The following CHTF18 variants were observed in gnomAD, a reference collection of about 807,000 sequenced individuals.
The protein encoded by CHTF18 is chromosome transmission fidelity factor 18, also known as chromosome transmission fidelity protein 18 homolog.
A neutral mutation model predicts 113.4 loss-of-function variants in CHTF18; 151 were observed. The observed-to-expected ratio is 1.33, with a 90% CI of 1.17 to 1.52. The LOEUF is 1.52. Ranked by LOEUF, CHTF18 falls within the 40% of genes most tolerant of loss-of-function variation. CHTF18 has a pLI of 0.00. For missense variants in CHTF18, 1,982 were observed against 1,381.6 expected (o/e 1.43, Z -6.89); for synonymous variants, 916 against 598.8 (o/e 1.53, Z -7.74).
chr16:791,466 G>C, intron 8 of CHTF18, 96 bp downstream of exon 8: 1 of 1,467,792 alleles, frequency 6.8e-7, no homozygotes, highest in Admixed American at 2.3e-5. Context: ...AGGAGCCGTG[G>C]GTGTGGTGAC....
intron 15 of CHTF18, 70 bp from the exon 16 acceptor site, chr16:795,062 G>T (rs902474185): frequency 4.0e-6 from 5 of 1,246,980 alleles, no homozygotes; most frequent in South Asian, 1.4e-5. Context: ...TGTGGCGGGA[G>T]GTGGAGGGTC....
Position 795,163 on chromosome 16 carries a change from T to C in CHTF18, c.1982T>C (p.Leu661Pro). The change falls in exon 16 of 22, where the codon CTG becomes CCG. Residue 661 changes from leucine (L) to proline (P), a missense_variant. Transcript: ENST00000262315. ...TTTGACAACTTCCTGCGTCTGCGGC[T>C]GCGAGACTCCAGCCTGGGTGCTGTG... The part of the protein sequence containing the change: ...GLFDNFLRLR[L>P]RDSSLGAVCV... 6.4e-7 allele frequency: 1 copy of C among 1,555,258 alleles called. No homozygotes were observed. The highest frequency in any genetic ancestry group is 8.7e-7 in the Non-Finnish European group (1 of 1,149,830).
Position 796,065 on chromosome 16 carries a change from A to T in CHTF18, c.2444A>T (p.Tyr815Phe), listed in dbSNP as rs376694561. The T allele has an allele frequency of 3.7e-6, 6 of 1,603,162 alleles. No individual in the cohort carries two copies. Among genetic ancestry groups the T allele is most frequent in the Non-Finnish European group, 5.1e-6 (6 of 1,175,904 alleles). ...CGCACGCCCGATGGCCAGTACATCT[A>T]CAGGCTGGAGCCGTGAGTCCCCCAG... ...QERTPDGQYI[Y>F]RLEPNVEELC... Residue 815 changes from tyrosine to phenylalanine, a missense_variant, in exon 18 of 22, where the codon TAC (tyrosine) becomes TTC (phenylalanine). Physicochemically the swap from Tyr to Phe is conservative, Grantham distance 22. Transcript: ENST00000262315.
At position 789,716 on chromosome 16, in the gene CHTF18, G is replaced by T. The variant is rs781630813; in HGVS notation, c.606+1G>T. The T allele has an allele frequency of 1.9e-6, 3 of 1,579,514 alleles. No individual in the cohort carries two copies. In the South Asian group the frequency reaches 3.4e-5, roughly 18 times the overall value. On this transcript the variant is annotated splice_donor_variant, in intron 4 of 21. Transcript: ENST00000262315. LOFTEE classifies it high-confidence loss of function. Reference sequence around the variant, plus strand: ...TGACCCCATGGCCCCGGGGGTGCAGGTGCGTGGCTGTGGCCTTCCTGCACG... The same window carrying T: ...TGACCCCATGGCCCCGGGGGTGCAGTTGCGTGGCTGTGGCCTTCCTGCACG...
chr16:791,246 C>A lies in CHTF18; in HGVS notation c.980C>A (p.Pro327His). Residue 327 changes from proline (P) to histidine (H), a missense_variant, in exon 8 of 22, where the codon CCC becomes CAC. Physicochemically the swap from Pro to His is moderately conservative, Grantham distance 77. Coordinates refer to ENST00000262315, the MANE Select transcript of CHTF18 (RefSeq NM_022092.3). ...GAGAGGCCTTCCCGGAAGCCCAGGC[C>A]CAGTGTTGAGCCGGCCCGGGTCAGC... ...GHERPSRKPR[P>H]SVEPARVSKE... The A allele has an allele frequency of 6.2e-7, 1 of 1,610,936 alleles. No homozygotes were observed. The highest frequency in any genetic ancestry group is 1.1e-5 in the South Asian group (1 of 90,714).
chr16:789,847 C>G, intron 4 of CHTF18, 132 bp downstream of exon 4: 1 of 1,329,046 alleles, frequency 7.5e-7, no homozygotes, highest in Non-Finnish European at 1.0e-6. Flanking sequence ...GAGGGGGAGG[C>G]TGCGTCATGG....
chr16:790,909 C>T (rs2042179344), intron 7 of CHTF18: 11 of 1,432,894 alleles, frequency 7.7e-6, no homozygotes, highest in East Asian at 7.5e-5. Flanking sequence ...GTTCCCTTTC[C>T]TACCTTCACA....
In CHTF18 at chr16:790,531, G is replaced by A. The variant is rs114122804; in HGVS notation, c.759G>A (p.Arg253=). 2,029 of 1,600,584 alleles carry A rather than the reference G, an allele frequency of 1.3e-3. 21 individuals are homozygous for A. In the African/African-American group the frequency reaches 0.025, roughly 19 times the overall value. ...AGGACGTGGTCCTCTCCAGTCTCAG[G>A]TCGGGGGAGGAGGAGGCAGCCCAGC... ...QKLSDTLHSL[R]SGEEEAAQPL... is the part of the protein sequence containing the mutation. Residue 253 remains arginine, a synonymous_variant, in exon 7 of 22, where the codon AGG becomes AGA. Coordinates refer to ENST00000262315, the MANE Select transcript of CHTF18 (RefSeq NM_022092.3).
In CHTF18 at chr16:789,373, G is replaced by C. The variant is rs765650435; in HGVS notation, c.437+13G>C. On this transcript the variant is annotated intron_variant, in intron 3 of 21. Coordinates refer to ENST00000262315, the MANE Select transcript of CHTF18 (RefSeq NM_022092.3). ...TTTGGGGCCACGGGTGTGTGGCTTG[G>C]ACATGGGCGTCCCATCCCATCTGTC... is the stretch of plus-strand genomic sequence containing the variant. The C allele has an allele frequency of 6.4e-7, 1 of 1,570,294 alleles. No individual in the cohort carries two copies. Among genetic ancestry groups the C allele is most frequent in the East Asian group, 2.3e-5 (1 of 44,316 alleles).
chr16:788,978 C>G lies in CHTF18; in HGVS notation c.139C>G (p.Arg47Gly). Residue 47 changes from arginine (R) to glycine (G), a missense_variant, in exon 2 of 22, where the codon CGA (arginine) becomes GGA (glycine). Coordinates refer to ENST00000262315, the MANE Select transcript of CHTF18 (RefSeq NM_022092.3). Reference protein sequence around the residue: ...PSGVPLFTAGRPPRTFEEALA... With the variant: ...PSGVPLFTAGGPPRTFEEALA... ...CGGGGTCCCCCTGTTCACCGCGGGC[C>G]GACCCCCGCGGACGTTCGAGGAGGC... 6.4e-7 allele frequency: 1 copy of G among 1,564,772 alleles called. No homozygotes were observed. Among genetic ancestry groups the G allele is most frequent in the Non-Finnish European group, 8.6e-7 (1 of 1,162,300 alleles).
rs558003250 is a variant in CHTF18, at chr16:794,043, C to T, written c.1803-11C>T. ...ACACGGGTCCATCTAGCTTCAGCAC[C>T]CCACCTGCAGGCGCCGTGTGGGCCA... is the stretch of plus-strand genomic sequence containing the variant. On this transcript the variant is annotated splice_polypyrimidine_tract_variant and intron_variant, in intron 14 of 21. Coordinates refer to ENST00000262315, the MANE Select transcript of CHTF18 (RefSeq NM_022092.3). The T allele has an allele frequency of 3.5e-5, 57 of 1,606,424 alleles. No homozygotes were observed. The highest frequency in any genetic ancestry group is 2.3e-4 in the African/African-American group (17 of 74,926).
At position 795,752 on chromosome 16, in the gene CHTF18, C is replaced by G. The variant is rs766233284; in HGVS notation, c.2243C>G (p.Thr748Arg). The G allele has an allele frequency of 6.2e-7, 1 of 1,608,884 alleles. No individual in the cohort carries two copies. The highest frequency in any genetic ancestry group is 8.5e-7 in the Non-Finnish European group (1 of 1,178,746). ...QTLVSGIAPA[T>R]RSRATPQALL... ...CTGGTGTCCGGCATCGCGCCAGCCA[C>G]GCGCAGCCGGGCCACGCCCCAGGCC... Residue 748 changes from threonine to arginine, a missense_variant, in exon 17 of 22, where the codon ACG becomes AGG. Thr to Arg is a moderately conservative substitution (Grantham distance 71, BLOSUM62 -1). Coordinates refer to ENST00000262315, the MANE Select transcript of CHTF18 (RefSeq NM_022092.3).
rs762542907 is a variant in CHTF18 at position 789,259 on chromosome 16, C to A, written c.336C>A (p.Phe112Leu). 6.4e-7 allele frequency: 1 copy of A among 1,561,204 alleles called. No individual in the cohort carries two copies. The highest frequency in any genetic ancestry group is 1.2e-5 in the South Asian group (1 of 84,910). Residue 112 changes from phenylalanine (F) to leucine (L), a missense_variant, in exon 3 of 22, where the codon TTC (phenylalanine) becomes TTA (leucine). Phe to Leu is a conservative substitution (Grantham distance 22). Transcript: ENST00000262315. Reference sequence around the variant, plus strand: ...TGCAGGTGGTCAAGAGGCTGAACTTCAGATCGGAGGAGATGGAGGAGCCGC... The same window carrying A: ...TGCAGGTGGTCAAGAGGCTGAACTTAAGATCGGAGGAGATGGAGGAGCCGC... ...PRLQVVKRLN[F>L]RSEEMEEPPP...
At chr16:788,898 G>A (rs775055081) in intron 1 of CHTF18, 33 bp from the exon 2 acceptor site, 14 of 1,507,024 alleles carry the variant, frequency 9.3e-6, no homozygotes, top group Non-Finnish European at 1.1e-5. Flanking sequence ...CTGCTGTCTC[G>A]GGGCGGCCGC....
rs1365913477 is a variant in CHTF18, at chr16:795,439, G to GCCC, written c.2175+84_2175+86dup. 1.3e-5 allele frequency: 8 copies of GCCC among 596,114 alleles called. No individual in the cohort carries two copies. In the East Asian group the frequency reaches 1.9e-4, roughly 14 times the overall value. 36.9% of individuals were successfully genotyped at this position (596,114 alleles called of 1,614,324 possible). ...CCCGTGTGGCTGCCCCCGGCCCCGT[G>GCCC]CCCGCCCCCCCAAACACACTGCCCG... On this transcript the variant is annotated intron_variant, in intron 16 of 21. Coordinates refer to ENST00000262315, the MANE Select transcript of CHTF18 (RefSeq NM_022092.3).
chr16:793,280 C>A lies in CHTF18; in HGVS notation c.1802+6C>A, dbSNP rs375037887. The A allele has an allele frequency of 4.4e-5, 70 of 1,605,508 alleles. No individual in the cohort carries two copies. In the Admixed American group the frequency reaches 1.2e-3, roughly 27 times the overall value. On this transcript the variant is annotated splice_donor_region_variant and intron_variant, in intron 14 of 21. Transcript: ENST00000262315. Reference sequence around the variant, plus strand: ...CAGCTGCCTCGAGCCCAGAGGTAGGCGGTGGCCACAGCCTCGGCCCAGATG... The same window carrying A: ...CAGCTGCCTCGAGCCCAGAGGTAGGAGGTGGCCACAGCCTCGGCCCAGATG...
In CHTF18 at chr16:791,566, C is replaced by T. The variant is rs138240343; in HGVS notation, c.1104+196C>T. On this transcript the variant is annotated intron_variant, in intron 8 of 21. Transcript: ENST00000262315. The stretch of plus-strand genomic sequence containing the variant: ...GGGGGAAGTCGTTGTCCCTGAAGGG[C>T]TCTGCGGCTGGCCAGGATGATCTGG... 10 of 1,434,124 alleles carry T rather than the reference C, an allele frequency of 7.0e-6. No homozygotes were observed. In the African/African-American group the frequency reaches 1.1e-4, roughly 16 times the overall value. The allele number at this position is 1,434,124 out of a possible 1,614,324, so 88.8% of individuals were successfully genotyped here.
intron 20 of CHTF18, among the ~76,000 whole-genome samples, 159 bp downstream of exon 20, chr16:797,251 C>T (rs1051908526): frequency 1.4e-5 from 2 of 139,460 alleles, no homozygotes; most frequent in African/African-American, 5.6e-5. Context: ...AGGGTACCTT[C>T]AGGGCTGTGG....
In CHTF18 at chr16:791,280, C is replaced by T. The variant is rs1350843869; in HGVS notation, c.1014C>T (p.Ala338=). The change falls in exon 8 of 22, where the codon GCC becomes GCT. Residue 338 remains alanine (A), a synonymous_variant. Transcript: ENST00000262315. ...SVEPARVSKE[A]TAPGKWKSHE... The stretch of plus-strand genomic sequence containing the variant: ...AGCCGGCCCGGGTCAGCAAGGAGGC[C>T]ACAGCCCCAGGCAAGTGGAAGAGCC... 5 of 1,610,758 alleles carry T rather than the reference C, an allele frequency of 3.1e-6. No homozygotes were observed. The highest frequency in any genetic ancestry group is 1.1e-5 in the South Asian group (1 of 90,806).
Sources: allele counts gnomAD v4.1 joint callset (sites outside exome capture counted in the v4.1 genomes callset), GRCh38; gene constraint gnomAD v4.1.1; transcripts MANE v1.5; gene names NCBI Gene and HGNC (gene_info 2026-07-23, HGNC 2026-07-21).